The following DENND4C variants were observed in gnomAD, a reference collection of about 807,000 sequenced individuals.
The protein encoded by DENND4C is DENN domain containing 4C, also known as DENN domain-containing protein 4C.
DENND4C carries 108 observed loss-of-function variants against 203.0 expected under a neutral mutation model. The observed-to-expected ratio is 0.53, with a 90% CI of 0.46 to 0.62. DENND4C has a LOEUF of 0.62. Among genes scored for constraint, DENND4C ranks in the 20% least tolerant of loss-of-function variants. The pLI is 0.00. For missense variants in DENND4C, 2,481 were observed against 2,301.2 expected (o/e 1.08, Z -1.60); for synonymous variants, 871 against 792.4 (o/e 1.10, Z -1.67).
chr9:19,359,330 T>C (rs1825995068), intron 28 of DENND4C, among the ~76,000 whole-genome samples: 1 of 151,768 alleles, frequency 6.6e-6, no homozygotes, highest in South Asian at 2.1e-4. Context: ...ATCCTCCTGC[T>C]TCAGCCTCCC....
At chr9:19,231,364 C>G (rs1820505235) in intron 1 of DENND4C, among the ~76,000 whole-genome samples, 1 of 152,096 alleles carries the variant, frequency 6.6e-6, no homozygotes, top group Non-Finnish European at 1.5e-5. Context: ...GAATTGAAGA[C>G]ATTTCCTTCT....
intron 1 of DENND4C, among the ~76,000 whole-genome samples, chr9:19,263,376 G>A (rs1429579746): frequency 6.6e-6 from 1 of 152,020 alleles, no homozygotes; most frequent in East Asian, 1.9e-4. Context: ...GTTTTTTTGA[G>A]ACAGAGTTTC....
At chr9:19,336,925 A>C in intron 20 of DENND4C, 93 bp downstream of exon 20, 2 of 1,223,148 alleles carry the variant, frequency 1.6e-6, no homozygotes, top group Middle Eastern at 2.5e-4. Context: ...AGTTTGTGTG[A>C]TATGACTACT....
intron 2 of DENND4C, among the ~76,000 whole-genome samples, chr9:19,278,072 TTC>T (rs1343079568): frequency 2.9e-4 from 34 of 117,490 alleles, no homozygotes; most frequent in African/African-American, 1.0e-3. Flanking sequence ...AGCCTTTTTT[TTC>T]TTTTTTTTTT....
Position 19,357,843 on chromosome 9 carries a change from G to A in DENND4C, c.4965-122G>A, listed in dbSNP as rs1588982743. The A allele has an allele frequency of 6.5e-6, 5 of 766,738 alleles. No individual in the cohort carries two copies. In the East Asian group the frequency reaches 1.4e-4, roughly 21 times the overall value. The allele number at this position is 766,738 out of a possible 1,614,324, so 47.5% of individuals were successfully genotyped here. A position where few individuals can be genotyped will look rare whatever the true frequency, so the allele number is the denominator to read the frequency against. On this transcript the variant is annotated intron_variant, in intron 27 of 32. Coordinates refer to ENST00000434457, the MANE Select transcript of DENND4C (RefSeq NM_001330640.2). ...AAGGAAATGCAATTCTTACAAGGTG[G>A]TGCTGATTCTTCTTAGATATATTTA... is the stretch of plus-strand genomic sequence containing the variant.
chr9:19,320,966 CAAAG>C (rs1250692578), intron 12 of DENND4C, among the ~76,000 whole-genome samples: 1 of 152,266 alleles, frequency 6.6e-6, no homozygotes, highest in African/African-American at 2.4e-5. Context: ...ACCACAGCAT[CAAAG>C]AAAGAAAGGC....
At chr9:19,366,302 A>G (rs1196260860) in intron 30 of DENND4C, among the ~76,000 whole-genome samples, 4 of 152,212 alleles carry the variant, frequency 2.6e-5, no homozygotes, top group African/African-American at 9.6e-5. Context: ...TGTGAAGACC[A>G]TTTAAGATAG....
intron 1 of DENND4C, among the ~76,000 whole-genome samples, chr9:19,249,097 C>T (rs1456384986): frequency 6.6e-6 from 1 of 150,900 alleles, no homozygotes; most frequent in East Asian, 2.0e-4. Context: ...GGCCACACAG[C>T]ATCTATGTTT....
intron 1 of DENND4C, among the ~76,000 whole-genome samples, chr9:19,259,012 A>G (rs933451040): frequency 6.6e-6 from 1 of 152,120 alleles, no homozygotes; most frequent in African/African-American, 2.4e-5. Flanking sequence ...GATACATGAG[A>G]TATTTTGATA....
At position 19,298,107 on chromosome 9, in the gene DENND4C, G is replaced by T; in HGVS notation, c.1092G>T (p.Pro364=). The part of the protein sequence containing the change: ...QNIPFPSPQR[P]RILVQLSVHD... Reference sequence around the variant, plus strand: ...TCCCTTTTCCTTCACCACAAAGACCGAGAATCCTTGTCCAGGTAATCAAAA... The same window carrying T: ...TCCCTTTTCCTTCACCACAAAGACCTAGAATCCTTGTCCAGGTAATCAAAA... The change falls in exon 7 of 33, where the codon CCG becomes CCT. Residue 364 remains proline (P), a synonymous_variant. Transcript: ENST00000434457. The T allele has an allele frequency of 1.2e-6, 2 of 1,609,338 alleles. No individual in the cohort carries two copies. The highest frequency in any genetic ancestry group is 1.7e-6 in the Non-Finnish European group (2 of 1,177,638).
chr9:19,309,536 C>G (rs942227881), intron 10 of DENND4C, among the ~76,000 whole-genome samples: 5 of 151,766 alleles, frequency 3.3e-5, no homozygotes, highest in African/African-American at 1.2e-4. Context: ...GAATTTATAT[C>G]TTAATAAAAC....
chr9:19,318,596 GAA>G (rs902702092), intron 12 of DENND4C, among the ~76,000 whole-genome samples: 1 of 152,210 alleles, frequency 6.6e-6, no homozygotes, highest in Non-Finnish European at 1.5e-5. Context: ...TTAAACAACA[GAA>G]ATTATTTTCT....
At position 19,346,547 on chromosome 9, in the gene DENND4C, T is replaced by G; in HGVS notation, c.3778T>G (p.Cys1260Gly). ...LDPLSLLATE[C>G]TGGKTPDSED... ...TCCTTTGTCTCTTTTAGCCACTGAA[T>G]GTACAGGAGGAAAAACTCCTGATTC... is the stretch of plus-strand genomic sequence containing the variant. The change falls in exon 23 of 33, where the codon TGT becomes GGT. Residue 1260 changes from cysteine to glycine, a missense_variant. Physicochemically the swap from Cys to Gly is radical, Grantham distance 159 (BLOSUM62 -3). This residue lies in a region of DENND4C where 2,289 missense variants were observed against 2,113.3 expected (regional missense o/e 1.08). Coordinates refer to ENST00000434457, the MANE Select transcript of DENND4C (RefSeq NM_001330640.2). 6.2e-7 allele frequency: 1 copy of G among 1,614,148 alleles called. No individual in the cohort carries two copies. The highest frequency in any genetic ancestry group is 1.6e-4 in the Middle Eastern group (1 of 6,062).
chr9:19,347,125 AGT>A, intron 23 of DENND4C, 39 bp downstream of exon 23: 1 of 1,517,184 alleles, frequency 6.6e-7, no homozygotes, highest in Non-Finnish European at 9.0e-7. Flanking sequence ...CTGCTATTGG[AGT>A]GTTTATAGTA....
At chr9:19,255,429 G>C (rs1827709369) in intron 1 of DENND4C, among the ~76,000 whole-genome samples, 1 of 150,340 alleles carries the variant, frequency 6.7e-6, no homozygotes, top group African/African-American at 2.5e-5. Context: ...TTTTTTTAAT[G>C]TAAAAACCAT....
intron 1 of DENND4C, among the ~76,000 whole-genome samples, chr9:19,260,983 AG>A (rs1829210986): frequency 6.6e-6 from 1 of 152,032 alleles, no homozygotes; most frequent in Admixed American, 6.6e-5. Flanking sequence ...TTCTTGTAGT[AG>A]TTTCATGGTT....
chr9:19,260,082 A>C (rs919602082), intron 1 of DENND4C, among the ~76,000 whole-genome samples: 1 of 152,160 alleles, frequency 6.6e-6, no homozygotes. Context: ...TCCCACTAAC[A>C]GTGTATGAGG....
At position 19,346,532 on chromosome 9, in the gene DENND4C, C is replaced by T; in HGVS notation, c.3763C>T (p.Leu1255Phe). 1 of 1,614,106 alleles carries T rather than the reference C, an allele frequency of 6.2e-7. No homozygotes were observed. Among genetic ancestry groups the T allele is most frequent in the Middle Eastern group, 1.6e-4 (1 of 6,062 alleles). Residue 1255 changes from leucine to phenylalanine, a missense_variant, in exon 23 of 33, where the codon CTT becomes TTT. Leu to Phe is a conservative substitution (Grantham distance 22). Coordinates refer to ENST00000434457, the MANE Select transcript of DENND4C (RefSeq NM_001330640.2). ...DVETGLDPLS[L>F]LATECTGGKT... ...TGAAACTGGACTAGATCCTTTGTCTCTTTTAGCCACTGAATGTACAGGAGG... is the reference window on the plus strand; with the variant it reads ...TGAAACTGGACTAGATCCTTTGTCTTTTTTAGCCACTGAATGTACAGGAGG...
At chr9:19,327,863 CTG>C (rs963886397) in intron 15 of DENND4C, among the ~76,000 whole-genome samples, 165 bp from the exon 16 acceptor site, 42 of 152,072 alleles carry the variant, frequency 2.8e-4, no homozygotes, top group African/African-American at 1.0e-3. Flanking sequence ...AAGGTAGTCT[CTG>C]TATGTTATAT....
Sources: allele counts gnomAD v4.1 joint callset (sites outside exome capture counted in the v4.1 genomes callset), GRCh38; gene constraint gnomAD v4.1.1; regional missense constraint gnomAD v4.1.1; transcripts MANE v1.5; gene names NCBI Gene and HGNC (gene_info 2026-07-23, HGNC 2026-07-21).